ITPR1: variants seen among roughly 807,000 people sequenced by gnomAD.
ITPR1 encodes the protein inositol 1,4,5-trisphosphate receptor type 1.
A neutral mutation model predicts 318.4 loss-of-function variants in ITPR1; 96 were observed. That is an observed-to-expected ratio of 0.30 (90% CI 0.26 to 0.36). ITPR1 has a LOEUF of 0.36. Among genes scored for constraint, ITPR1 ranks in the 10% least tolerant of loss-of-function variants. The pLI, the probability that ITPR1 is intolerant of heterozygous loss-of-function variation, is 1.00. For synonymous variants in ITPR1, 1,312 were observed against 1,289.9 expected (o/e 1.02, Z -0.37); for missense variants, 2,440 against 3,460.2 (o/e 0.71, Z 7.40).
chr3:4,811,428 T>C lies in ITPR1; in HGVS notation c.7436T>C (p.Val2479Ala). 1 of 1,613,978 alleles carries C rather than the reference T, an allele frequency of 6.2e-7. No individual in the cohort carries two copies. Among genetic ancestry groups the C allele is most frequent in the South Asian group, 1.1e-5 (1 of 91,080 alleles). ...TTCAAGGATGACTTTATCTTGGAAGTAGATAGGCTGCCCAATGAAACAGCT... is the reference window on the plus strand; with the variant it reads ...TTCAAGGATGACTTTATCTTGGAAGCAGATAGGCTGCCCAATGAAACAGCT... ...LFFKDDFILEVDRLPNETAVP... is the reference protein window; with the variant it reads ...LFFKDDFILEADRLPNETAVP... The change falls in exon 56 of 62, where the codon GTA (valine) becomes GCA (alanine). Residue 2479 changes from valine (V) to alanine (A), a missense_variant. Val to Ala is a moderately conservative substitution (Grantham distance 64). This residue lies in a region of ITPR1 where 88 missense variants were observed against 90.5 expected (regional missense o/e 0.97). Coordinates refer to ENST00000649015, the MANE Select transcript of ITPR1 (RefSeq NM_001378452.1).
intron 5 of ITPR1, among the ~76,000 whole-genome samples, chr3:4,636,585 T>C (rs139523753): frequency 1.3e-5 from 2 of 152,238 alleles, no homozygotes; most frequent in Admixed American, 6.5e-5. Context: ...CCCGCCACCA[T>C]GCCCAGCTAA....
intron 36 of ITPR1, among the ~76,000 whole-genome samples, chr3:4,703,546 T>C (rs2322830): frequency 0.51 from 76,750 of 151,946 alleles, 20,145 homozygotes; most frequent in Non-Finnish European, 0.56. Context: ...CCTATTAATG[T>C]TGTGCAAAGA....
chr3:4,699,457 C>T (rs1162843018), intron 34 of ITPR1, among the ~76,000 whole-genome samples: 2 of 152,160 alleles, frequency 1.3e-5, no homozygotes, highest in Non-Finnish European at 2.9e-5. Flanking sequence ...GAATGGATTA[C>T]TCAGGAGAGC....
intron 31 of ITPR1, among the ~76,000 whole-genome samples, chr3:4,689,821 G>A (rs6802947): frequency 0.43 from 65,675 of 152,026 alleles, 15,577 homozygotes; most frequent in Non-Finnish European, 0.56. Context: ...TGATAAATGG[G>A]CCTTCTTTTA....
intron 28 of ITPR1, 121 bp downstream of exon 28, chr3:4,683,919 T>C: frequency 1.1e-6 from 1 of 900,974 alleles, no homozygotes; most frequent in Non-Finnish European, 1.6e-6. Context: ...ATCTGCTTGT[T>C]AAGTCACCAA....
intron 44 of ITPR1, chr3:4,749,187 C>G (rs1000151195): frequency 6.6e-6 from 1 of 152,198 alleles, no homozygotes; most frequent in Non-Finnish European, 1.5e-5. Context: ...AACAAAAGAA[C>G]AAACTTTTGT....
chr3:4,716,936 G>A (rs1250830337), intron 39 of ITPR1, among the ~76,000 whole-genome samples: 1 of 152,200 alleles, frequency 6.6e-6, no homozygotes, highest in Non-Finnish European at 1.5e-5. Context: ...CCCCGACTGA[G>A]TCATAAAATG....
At chr3:4,549,920 A>C (rs1027353654) in intron 4 of ITPR1, among the ~76,000 whole-genome samples, 2 of 152,222 alleles carry the variant, frequency 1.3e-5, no homozygotes, top group Admixed American at 1.3e-4. Flanking sequence ...GGATATGTCT[A>C]CTAACTGAAA....
intron 6 of ITPR1, 141 bp from the exon 7 acceptor site, chr3:4,641,952 A>G (rs1234600639): frequency 3.6e-6 from 2 of 559,910 alleles, no homozygotes; most frequent in Non-Finnish European, 6.0e-6. Context: ...CTGCAGCCGT[A>G]GGCACTTTGT....
Position 4,826,367 on chromosome 3 carries a change from C to G in ITPR1, c.8028+8125C>G, listed in dbSNP as rs575335863. 1.3e-5 allele frequency among the ~76,000 whole-genome samples: 2 copies of G among 152,332 alleles called. No individual in the cohort carries two copies. The highest frequency in any genetic ancestry group is 4.1e-4 in the South Asian group (2 of 4,824). ...ACCTGGGCTCTGACAAGCCCTTAAC[C>G]ATGGGTGAGGATACAGCCTGTGCTG... On this transcript the variant is annotated intron_variant, in intron 60 of 61. Coordinates refer to ENST00000649015, the MANE Select transcript of ITPR1 (RefSeq NM_001378452.1). This position sits in a 1 kb window ranked among gnomAD's most constrained non-coding sequence, Gnocchi z 4.2.
chr3:4,716,956 A>G (rs1004039573), intron 39 of ITPR1, among the ~76,000 whole-genome samples: 1 of 152,208 alleles, frequency 6.6e-6, no homozygotes. Context: ...GAAGCTAAGG[A>G]AAGAATTTTC....
rs547439973 is a variant in ITPR1, at chr3:4,541,210, A to G, written c.163+20116A>G. On this transcript the variant is annotated intron_variant, in intron 4 of 61. Coordinates refer to ENST00000649015, the MANE Select transcript of ITPR1 (RefSeq NM_001378452.1). The stretch of plus-strand genomic sequence containing the variant: ...ATTAACTTACGTATTAGTATTTACT[A>G]TACCTATCTTGGATAATTTTTTTTC... Among the ~76,000 whole-genome samples, 28 of 152,326 alleles carry G rather than the reference A, an allele frequency of 1.8e-4. No homozygotes were observed. The South Asian group carries it at 5.0e-3, about 27-fold the overall frequency.
At chr3:4,801,498 T>C (rs560390958) in intron 54 of ITPR1, among the ~76,000 whole-genome samples, 2 of 152,160 alleles carry the variant, frequency 1.3e-5, no homozygotes, top group East Asian at 3.9e-4. Flanking sequence ...GCTCGGTGGC[T>C]CACATCTATA....
At chr3:4,823,442 G>C (rs2053503) in intron 60 of ITPR1, among the ~76,000 whole-genome samples, 42,468 of 151,978 alleles carry the variant, frequency 0.28, 6,725 homozygotes, top group African/African-American at 0.43. Flanking sequence ...AGAAAATGTG[G>C]TATATAGACA....
chr3:4,787,337 C>CAAAAAAAAAAAAAAAAA (rs71053443), intron 51 of ITPR1, among the ~76,000 whole-genome samples: 1 of 51,346 alleles, frequency 1.9e-5, no homozygotes, highest in Non-Finnish European at 3.2e-5. Flanking sequence ...GACTCCATCT[C>CAAAAAAAAAAAAAAAAA]AAAAAAAAAA....
intron 53 of ITPR1, among the ~76,000 whole-genome samples, chr3:4,797,996 T>G (rs1575289262): frequency 6.6e-6 from 1 of 152,316 alleles, no homozygotes; most frequent in East Asian, 1.9e-4. Context: ...CTAGAGTTGA[T>G]TTTTTGGAAT....
chr3:4,814,009 G>A (rs945255785), intron 57 of ITPR1, among the ~76,000 whole-genome samples: 1 of 152,194 alleles, frequency 6.6e-6, no homozygotes, highest in African/African-American at 2.4e-5. Flanking sequence ...AAATATCCCT[G>A]GATATAGTCC....
At chr3:4,529,390 T>C (rs920003413) in intron 4 of ITPR1, among the ~76,000 whole-genome samples, 1 of 151,906 alleles carries the variant, frequency 6.6e-6, no homozygotes, top group Non-Finnish European at 1.5e-5. Context: ...CGTAATGGGG[T>C]CATATTGTCA....
At chr3:4,503,657 G>T (rs1467576388) in intron 2 of ITPR1, among the ~76,000 whole-genome samples, 9 of 151,958 alleles carry the variant, frequency 5.9e-5, no homozygotes, top group African/African-American at 1.9e-4. Context: ...AGATCCTATG[G>T]TGCACAGGAT....
Sources: gnomAD v4.1 joint callset for allele counts (sites outside exome capture counted in the v4.1 genomes callset) on GRCh38, gnomAD v4.1.1 for gene constraint, gnomAD v4.1.1 regional missense constraint, Gnocchi (gnomAD v3.1) non-coding constraint, MANE v1.5 for transcripts, NCBI Gene and HGNC (gene_info 2026-07-23, HGNC 2026-07-21) for gene names.